The following ADPRHL1 variants were observed in gnomAD, a reference collection of about 807,000 sequenced individuals.
The protein encoded by ADPRHL1 is ADP-ribosylhydrolase like 1, also known as inactive ADP-ribosyltransferase ARH2.
In ADPRHL1, 43 loss-of-function variants were observed where a neutral mutation model predicts 44.1. That is an observed-to-expected ratio of 0.98 (90% CI 0.76 to 1.26). The LOEUF is 1.26. Among genes scored for constraint, ADPRHL1 ranks in the 50% most tolerant of loss-of-function variants. The probability of loss-of-function intolerance (pLI) is 0.00; values close to 1 mark genes in which losing one functional copy is unlikely to be tolerated. For synonymous variants in ADPRHL1, 878 were observed against 1,017.4 expected, an observed-to-expected ratio of 0.86 and a Z score of 2.61; for missense variants, 2,022 against 2,496.9, an observed-to-expected ratio of 0.81 and a Z score of 4.05.
intron 1 of ADPRHL1, chr13:113,448,992 C>A (rs2044161207): frequency 6.1e-6 from 6 of 985,978 alleles, no homozygotes; most frequent in Non-Finnish European, 7.2e-6. Context: ...CTGGCACACA[C>A]ACACACCTGC....
At position 113,406,521 on chromosome 13, in the gene ADPRHL1, G is replaced by A. The variant is rs955545839; in HGVS notation, c.2761C>T (p.Arg921Trp). ...GLSASSPQGP[R>W]AAPRLAAARG... Reference sequence around the variant, plus strand: ...GCTGCTGCCAGACGCGGAGCTGCCCGTGGCCCCTGCGGCGAAGAGGCGCTG... The same window carrying A: ...GCTGCTGCCAGACGCGGAGCTGCCCATGGCCCCTGCGGCGAAGAGGCGCTG... The change falls in exon 8 of 8, where the codon CGG becomes TGG. Residue 921 changes from arginine (R) to tryptophan (W), a missense_variant. By Grantham distance (101) the Arg-to-Trp change is moderately radical. Around this residue, in one of 8 missense-constraint regions of ADPRHL1, gnomAD observed 1,221 missense variants for 1,517.8 expected, o/e 0.80. Coordinates refer to ENST00000612156, the MANE Select transcript of ADPRHL1 (RefSeq NM_001394807.1). 26 of 1,231,908 alleles carry A rather than the reference G, an allele frequency of 2.1e-5. No homozygotes were observed. The highest frequency in any genetic ancestry group is 6.2e-5 in the African/African-American group (4 of 64,404). 76.3% of individuals were successfully genotyped at this position (1,231,908 alleles called of 1,614,324 possible).
At chr13:113,428,056 G>A (rs757858154) in intron 4 of ADPRHL1, among the ~76,000 whole-genome samples, 1 of 152,142 alleles carries the variant, frequency 6.6e-6, no homozygotes, top group African/African-American at 2.4e-5. Context: ...AAGTCAGGGC[G>A]ACCTGGTGAA....
Position 113,433,834 on chromosome 13 carries a change from C to T in ADPRHL1, c.413G>A (p.Cys138Tyr). 6.4e-7 allele frequency: 1 copy of T among 1,572,942 alleles called. No individual in the cohort carries two copies. The highest frequency in any genetic ancestry group is 1.4e-5 in the African/African-American group (1 of 73,920). ...SGFGAATKAM[C>Y]IGLRYWKPER... ...AGGCTTCCAGTACCGCAGGCCGATG[C>T]ACATGGCCTTGGTGGCCGCTCCAAA... The change falls in exon 3 of 8, where the codon TGC (cysteine) becomes TAC (tyrosine). Residue 138 changes from cysteine (C) to tyrosine (Y), a missense_variant. By Grantham distance (194) the Cys-to-Tyr change is radical. Transcript: ENST00000612156.
intron 1 of ADPRHL1, among the ~76,000 whole-genome samples, chr13:113,447,989 T>G (rs539121817): frequency 6.6e-6 from 1 of 152,358 alleles, no homozygotes; most frequent in African/African-American, 2.4e-5. Flanking sequence ...AATGTCTGTA[T>G]TCAACTGAAA....
At chr13:113,424,491 G>T in intron 5 of ADPRHL1, 142 bp from the exon 6 acceptor site, 2 of 1,186,464 alleles carry the variant, frequency 1.7e-6, no homozygotes, top group Non-Finnish European at 2.3e-6. Flanking sequence ...ATCTGGCTCT[G>T]TCCCCCAGGT....
chr13:113,449,356 A>G (rs2044164148), intron 1 of ADPRHL1: 1 of 357,822 alleles, frequency 2.8e-6, no homozygotes, highest in Non-Finnish European at 3.8e-6. Flanking sequence ...CTGTTCAGAG[A>G]GACACACCCG....
Position 113,406,974 on chromosome 13 carries a change from G to C in ADPRHL1, c.2308C>G (p.Pro770Ala). 8.1e-7 allele frequency: 1 copy of C among 1,232,240 alleles called. No homozygotes were observed. The highest frequency in any genetic ancestry group is 1.0e-6 in the Non-Finnish European group (1 of 988,092). The allele number at this position is 1,232,240 out of a possible 1,614,324, so 76.3% of individuals were successfully genotyped here. Reference protein sequence around the residue: ...GARLTWPPGPPGECAGEGPEI... With the variant: ...GARLTWPPGPAGECAGEGPEI... ...GGGCCCTCCCCTGCACACTCGCCTG[G>C]GGGCCCAGGAGGCCACGTGAGCCTG... The change falls in exon 8 of 8, where the codon CCA (proline) becomes GCA (alanine). Residue 770 changes from proline (P) to alanine (A), a missense_variant. By Grantham distance (27) the Pro-to-Ala change is conservative. Coordinates refer to ENST00000612156, the MANE Select transcript of ADPRHL1 (RefSeq NM_001394807.1).
chr13:113,410,774 G>A (rs2043846800), intron 7 of ADPRHL1, among the ~76,000 whole-genome samples: 2 of 152,194 alleles, frequency 1.3e-5, no homozygotes, highest in South Asian at 2.1e-4. Context: ...GGAGCAGGCC[G>A]ACCTCGGGGT....
Position 113,405,880 on chromosome 13 carries a change from C to T in ADPRHL1, c.3402G>A (p.Gln1134=). The change falls in exon 8 of 8, where the codon CAG becomes CAA. Residue 1134 remains glutamine (Q), a synonymous_variant. Coordinates refer to ENST00000612156, the MANE Select transcript of ADPRHL1 (RefSeq NM_001394807.1). The stretch of plus-strand genomic sequence containing the variant: ...CTCCCGCTGTGCGGTCTCCAGGGCT[C>T]TGGGTGCTGCCTGGCGCTGGTGCAG... ...ATPAPAPGST[Q]SPGDRTAGEP... 1 of 1,232,034 alleles carries T rather than the reference C, an allele frequency of 8.1e-7. No individual in the cohort carries two copies. Among genetic ancestry groups the T allele is most frequent in the Non-Finnish European group, 1.0e-6 (1 of 988,056 alleles). 76.3% of individuals were successfully genotyped at this position (1,232,034 alleles called of 1,614,324 possible). A position where few individuals can be genotyped will look rare whatever the true frequency, so the allele number is the denominator to read the frequency against.
intron 7 of ADPRHL1, among the ~76,000 whole-genome samples, chr13:113,420,795 G>A (rs1298534161): frequency 2.6e-5 from 4 of 152,008 alleles, no homozygotes; most frequent in East Asian, 1.9e-4. Context: ...AAAACGAACG[G>A]GGCATCTCTA....
intron 7 of ADPRHL1, among the ~76,000 whole-genome samples, chr13:113,420,821 G>A (rs1219456416): frequency 6.6e-6 from 1 of 151,968 alleles, no homozygotes; most frequent in Non-Finnish European, 1.5e-5. Flanking sequence ...AAAGCAAAGC[G>A]TGTCCCTATC....
intron 2 of ADPRHL1, among the ~76,000 whole-genome samples, chr13:113,442,888 T>C (rs983330848): frequency 1.3e-5 from 2 of 152,200 alleles, no homozygotes; most frequent in East Asian, 3.8e-4. Flanking sequence ...TTCTTTCTCT[T>C]TGTGTGTCTC....
chr13:113,441,463 G>A lies in ADPRHL1; in HGVS notation c.379+2962C>T, dbSNP rs372283275. On this transcript the variant is annotated intron_variant, in intron 2 of 7. Coordinates refer to ENST00000612156, the MANE Select transcript of ADPRHL1 (RefSeq NM_001394807.1). The surrounding 1 kb of genome is among the most constrained non-coding windows in gnomAD (Gnocchi z 6.0). ...GGTTCATGGTGTCCGTCTGCAGCTC[G>A]TTACAGCTGTGGGATGACACTGTGG... 6.6e-5 allele frequency among the ~76,000 whole-genome samples: 10 copies of A among 152,208 alleles called. No individual in the cohort carries two copies. The highest frequency in any genetic ancestry group is 1.9e-4 in the East Asian group (1 of 5,186).
At chr13:113,421,413 C>T (rs1471247087) in intron 7 of ADPRHL1, among the ~76,000 whole-genome samples, 1 of 137,478 alleles carries the variant, frequency 7.3e-6, no homozygotes, top group African/African-American at 2.7e-5. Context: ...CCCCAGAACA[C>T]GTCTACCCCT....
chr13:113,421,305 C>T (rs1385043510), intron 7 of ADPRHL1, among the ~76,000 whole-genome samples: 7 of 120,594 alleles, frequency 5.8e-5, no homozygotes, highest in East Asian at 2.5e-4. Context: ...CGCCCACTCC[C>T]GGGACACGCC....
rs906184021 is a variant in ADPRHL1 at position 113,403,865 on chromosome 13, T to C, written c.5417A>G (p.Glu1806Gly). 7 of 1,257,422 alleles carry C rather than the reference T, an allele frequency of 5.6e-6. No individual in the cohort carries two copies. The African/African-American group carries it at 1.1e-4, about 19-fold the overall frequency. 77.9% of individuals were successfully genotyped at this position (1,257,422 alleles called of 1,614,324 possible). The change falls in exon 8 of 8, where the codon GAA (glutamate) becomes GGA (glycine). Residue 1806 changes from glutamate (E) to glycine (G), a missense_variant. Glu to Gly is a moderately conservative substitution (Grantham distance 98). Coordinates refer to ENST00000612156, the MANE Select transcript of ADPRHL1 (RefSeq NM_001394807.1). Reference sequence around the variant, plus strand: ...CGCCATCCCACTTGTCAAGGCCTGTTCCCGACCCTGTTCCCAAGCCCGTTC... The same window carrying C: ...CGCCATCCCACTTGTCAAGGCCTGTCCCCGACCCTGTTCCCAAGCCCGTTC... Reference protein sequence around the residue: ...AQERAWEQGREQALTSGMAPR... With the variant: ...AQERAWEQGRGQALTSGMAPR...
intron 1 of ADPRHL1, among the ~76,000 whole-genome samples, chr13:113,449,533 G>C (rs1291421853): frequency 6.6e-6 from 1 of 150,450 alleles, no homozygotes; most frequent in Non-Finnish European, 1.5e-5. Flanking sequence ...AGGCTCACCC[G>C]GAAGGAGGGA....
At chr13:113,432,460 A>C (rs762020779) in intron 3 of ADPRHL1, among the ~76,000 whole-genome samples, 3 of 152,110 alleles carry the variant, frequency 2.0e-5, no homozygotes, top group African/African-American at 7.2e-5. Flanking sequence ...TTAATTTTTA[A>C]TTTGCGCCCA....
At chr13:113,449,236 G>A (rs893528658) in intron 1 of ADPRHL1, 2 of 1,001,470 alleles carry the variant, frequency 2.0e-6, no homozygotes, top group African/African-American at 1.8e-5. Flanking sequence ...CACCCGGAAG[G>A]AGGCAGCCCC....
Sources: allele counts gnomAD v4.1 joint callset (sites outside exome capture counted in the v4.1 genomes callset), GRCh38; gene constraint gnomAD v4.1.1; regional missense constraint gnomAD v4.1.1; non-coding constraint Gnocchi (gnomAD v3.1); transcripts MANE v1.5; gene names NCBI Gene and HGNC (gene_info 2026-07-23, HGNC 2026-07-21).